Variants in MYOF observed in about 807,000 individuals in gnomAD.
The protein encoded by MYOF is myoferlin.
MYOF carries 244 observed loss-of-function variants against 284.2 expected under a neutral mutation model. That is an observed-to-expected ratio of 0.86 (90% CI 0.77 to 0.95). MYOF has a LOEUF of 0.95. Among genes scored for constraint, MYOF ranks in the 40% least tolerant of loss-of-function variants. The pLI is 0.00. For missense variants in MYOF, 2,496 were observed against 2,560.6 expected (o/e 0.97, Z 0.54); for synonymous variants, 904 against 919.7 (o/e 0.98, Z 0.31).
At chr10:93,427,906 A>G (rs927863359) in intron 4 of MYOF, among the ~76,000 whole-genome samples, 8 of 152,084 alleles carry the variant, frequency 5.3e-5, no homozygotes, top group African/African-American at 1.9e-4. Flanking sequence ...ATTTCAAACA[A>G]TTTGCTAGGG....
chr10:93,310,632 C>T lies in MYOF; in HGVS notation c.5901G>A (p.Glu1967=), dbSNP rs1351035525. The T allele has an allele frequency of 3.1e-6, 5 of 1,614,060 alleles. No homozygotes were observed. Among genetic ancestry groups the T allele is most frequent in the African/African-American group, 1.3e-5 (1 of 74,918 alleles). ...TCTCGTTGAGGATTTCCAATGTCATCTCCACTTTCCCCTTCAGTAAAGCAG... is the reference window on the plus strand; with the variant it reads ...TCTCGTTGAGGATTTCCAATGTCATTTCCACTTTCCCCTTCAGTAAAGCAG... ...DGARVMAGKV[E]MTLEILNEKE... is the part of the protein sequence containing the mutation. Residue 1967 remains glutamate, a synonymous_variant, in exon 52 of 54, where the codon GAG becomes GAA. Transcript: ENST00000359263.
At position 93,476,003 on chromosome 10, in the gene MYOF, G is replaced by C. The variant is rs146680097; in HGVS notation, c.88+6104C>G. Among the ~76,000 whole-genome samples, 152 of 152,266 alleles carry C rather than the reference G, an allele frequency of 1.0e-3. 1 individual carries two copies. Among genetic ancestry groups the C allele is most frequent in the African/African-American group, 3.4e-3 (141 of 41,562 alleles). ...CTCTAAGCCTTGTTCTCCAGAAAGG[G>C]ATGGGAATGACTCAGGAGATTAAAC... On this transcript the variant is annotated intron_variant, in intron 1 of 53. Transcript: ENST00000359263.
intron 3 of MYOF, among the ~76,000 whole-genome samples, chr10:93,448,614 G>A (rs1270482653): frequency 3.3e-5 from 5 of 152,184 alleles, no homozygotes; most frequent in Non-Finnish European, 7.3e-5. Flanking sequence ...AACCAGGCTG[G>A]TGGCTGTGGG....
chr10:93,347,610 A>C lies in MYOF; in HGVS notation c.4249+7T>G, dbSNP rs374484922. ...CCCCCAGACTTATGCACAGCCTTGC[A>C]TGTTACCTTTGAGCTGTGGGACGAT... On this transcript the variant is annotated splice_region_variant and intron_variant, in intron 37 of 53. Transcript: ENST00000359263. The C allele has an allele frequency of 3.2e-4, 515 of 1,607,088 alleles. 1 individual carries two copies. Among genetic ancestry groups the C allele is most frequent in the Non-Finnish European group, 4.2e-4 (494 of 1,176,714 alleles).
At chr10:93,328,042 T>A (rs963778293) in intron 45 of MYOF, among the ~76,000 whole-genome samples, 4 of 152,148 alleles carry the variant, frequency 2.6e-5, no homozygotes, top group Non-Finnish European at 5.9e-5. Context: ...AGTGCTGAGA[T>A]TACAGGTGTG....
chr10:93,332,708 G>T (rs192181699), intron 43 of MYOF, among the ~76,000 whole-genome samples: 1 of 151,900 alleles, frequency 6.6e-6, no homozygotes, highest in African/African-American at 2.4e-5. Context: ...TTAGCCGGGC[G>T]TGGTGGCAGT....
rs189859423 is a variant in MYOF, at chr10:93,371,923, C to A, written c.2457+1007G>T. On this transcript the variant is annotated intron_variant, in intron 24 of 53. Transcript: ENST00000359263. ...GGTGCCTTTGTCTCCTCTCCCACCC[C>A]CTGTGAAGCTTTATTTATTAATCAG... is the stretch of plus-strand genomic sequence containing the variant. 2.4e-4 allele frequency among the ~76,000 whole-genome samples: 36 copies of A among 152,290 alleles called. 1 individual carries two copies. The highest frequency in any genetic ancestry group is 1.8e-3 in the Admixed American group (27 of 15,300).
intron 49 of MYOF, among the ~76,000 whole-genome samples, chr10:93,318,246 C>A (rs928893749): frequency 1.4e-4 from 21 of 151,962 alleles, no homozygotes; most frequent in Admixed American, 1.1e-3. Flanking sequence ...CAAAGTGAAA[C>A]CTTATCTCTA....
chr10:93,423,896 C>T (rs1848465985), intron 5 of MYOF, among the ~76,000 whole-genome samples: 1 of 151,380 alleles, frequency 6.6e-6, no homozygotes, highest in African/African-American at 2.4e-5. Flanking sequence ...CCTTGAGCCA[C>T]TCAGGAGCTA....
In MYOF at chr10:93,306,736, C is replaced by T. The variant is rs1842113291; in HGVS notation, c.*227G>A. 3 of 481,712 alleles carry T rather than the reference C, an allele frequency of 6.2e-6. No homozygotes were observed. Among genetic ancestry groups the T allele is most frequent in the African/African-American group, 4.1e-5 (2 of 49,236 alleles). 29.8% of individuals were successfully genotyped at this position (481,712 alleles called of 1,614,324 possible). ...AATATTTTGAAAAACATGATTTAAA[C>T]TTTAGAAAATAAAACTTTTAATACT... On this transcript the variant is annotated 3_prime_UTR_variant, in exon 54 of 54. Coordinates refer to ENST00000359263, the MANE Select transcript of MYOF (RefSeq NM_013451.4).
intron 1 of MYOF, among the ~76,000 whole-genome samples, chr10:93,461,238 C>T (rs1310540514): frequency 1.3e-5 from 2 of 152,224 alleles, no homozygotes; most frequent in Non-Finnish European, 2.9e-5. Context: ...CCTCACAGCT[C>T]AGCCCACAGA....
At chr10:93,479,145 CTT>C (rs1377635363) in intron 1 of MYOF, among the ~76,000 whole-genome samples, 12 of 144,278 alleles carry the variant, frequency 8.3e-5, no homozygotes, top group Non-Finnish European at 1.1e-4. Context: ...TGGCTTTTTC[CTT>C]TTTTTTTTTT....
intron 3 of MYOF, among the ~76,000 whole-genome samples, chr10:93,450,123 G>A (rs2056548922): frequency 6.6e-6 from 1 of 152,122 alleles, no homozygotes; most frequent in Non-Finnish European, 1.5e-5. Flanking sequence ...GCCGGGTGCA[G>A]TAGCTCACAC....
intron 3 of MYOF, among the ~76,000 whole-genome samples, chr10:93,441,334 C>T (rs2056243845): frequency 6.6e-6 from 1 of 152,042 alleles, no homozygotes; most frequent in South Asian, 2.1e-4. Context: ...AATTTTATTC[C>T]AAACGCAGTC....
intron 21 of MYOF, 106 bp from the exon 22 acceptor site, chr10:93,377,535 CA>C: frequency 2.5e-6 from 2 of 809,846 alleles, no homozygotes; most frequent in Admixed American, 2.6e-5. Flanking sequence ...TTTGTATATT[CA>C]AAAAACAAAT....
intron 1 of MYOF, among the ~76,000 whole-genome samples, chr10:93,480,061 G>A (rs780340113): frequency 2.6e-5 from 4 of 151,920 alleles, no homozygotes; most frequent in African/African-American, 7.3e-5. Context: ...TTACATGATC[G>A]GACTGATCCA....
intron 25 of MYOF, 83 bp from the exon 26 acceptor site, chr10:93,366,638 G>C: frequency 8.2e-7 from 1 of 1,221,148 alleles, no homozygotes; most frequent in Admixed American, 2.5e-5. Context: ...AGTTCATCGA[G>C]GACTTAGGCT....
chr10:93,363,285 G>C (rs868497089), intron 27 of MYOF, among the ~76,000 whole-genome samples: 8 of 152,334 alleles, frequency 5.3e-5, no homozygotes, highest in Middle Eastern at 3.4e-3. Context: ...TTGGGGAGTG[G>C]AATATGGATT....
At chr10:93,402,458 A>C (rs1430984124) in intron 10 of MYOF, 111 bp from the exon 11 acceptor site, 1 of 828,038 alleles carries the variant, frequency 1.2e-6, no homozygotes, top group African/African-American at 1.7e-5. Context: ...TCTTCACGAC[A>C]CACCAAATTC....
Sources: allele counts gnomAD v4.1 joint callset (sites outside exome capture counted in the v4.1 genomes callset), GRCh38; gene constraint gnomAD v4.1.1; transcripts MANE v1.5; gene names NCBI Gene and HGNC (gene_info 2026-07-23, HGNC 2026-07-21).